Variants in SEPTIN7 observed in about 807,000 individuals in gnomAD.
SEPTIN7 encodes septin 7.
Under a neutral mutation model 63.3 loss-of-function variants are expected in SEPTIN7, and 10 were observed. The ratio of observed to expected loss-of-function variants is 0.16; its 90% CI spans 0.10 to 0.27. The LOEUF is 0.27. Ranked by LOEUF, SEPTIN7 falls within the 10% of genes least tolerant of loss-of-function variation. The pLI is 1.00. For missense variants in SEPTIN7, 310 were observed against 521.0 expected, an observed-to-expected ratio of 0.59 and a Z score of 3.94; for synonymous variants, 131 against 165.3, an observed-to-expected ratio of 0.79 and a Z score of 1.59.
At chr7:35,868,387 C>G (rs1583591166) in intron 4 of SEPTIN7, among the ~76,000 whole-genome samples, 1 of 152,250 alleles carries the variant, frequency 6.6e-6, no homozygotes, top group Non-Finnish European at 1.5e-5. Context: ...GAATGCTTGT[C>G]TTAAACTAAG....
rs1785779838 is a variant in SEPTIN7 at position 35,865,804 on chromosome 7, C to T, written c.276+2146C>T. ...ATAATCCCCTACATTTTAGATATTGCAGACATTTTCTCCCCAGGCAAGCAT... is the reference window on the plus strand; with the variant it reads ...ATAATCCCCTACATTTTAGATATTGTAGACATTTTCTCCCCAGGCAAGCAT... On this transcript the variant is annotated intron_variant, in intron 4 of 13. Coordinates refer to ENST00000350320, the MANE Select transcript of SEPTIN7 (RefSeq NM_001788.6). Among the ~76,000 whole-genome samples the T allele has an allele frequency of 2.0e-5, 3 of 152,096 alleles. No individual in the cohort carries two copies. In the South Asian group the frequency reaches 6.2e-4, roughly 32 times the overall value.
At chr7:35,915,148 T>C in the SEPTIN7 span, among the ~76,000 whole-genome samples, 1 of 152,088 alleles carries the variant, frequency 6.6e-6, no homozygotes, top group Non-Finnish European at 1.5e-5. Flanking sequence ...TATACACATG[T>C]ATACATGTGT....
chr7:35,825,405 C>A (rs1201151948), intron 1 of SEPTIN7, among the ~76,000 whole-genome samples: 1 of 152,126 alleles, frequency 6.6e-6, no homozygotes, highest in Admixed American at 6.6e-5. Context: ...TGGGCCTTTG[C>A]AGTTAATAAC....
downstream of SEPTIN7, among the ~76,000 whole-genome samples, chr7:35,907,303 C>A (rs1788647798): frequency 6.6e-6 from 1 of 152,062 alleles, no homozygotes; most frequent in Admixed American, 6.5e-5. Flanking sequence ...AAATGTAAGC[C>A]CTTGTACTTC....
At position 35,839,301 on chromosome 7, in the gene SEPTIN7, A is replaced by G. The variant is rs79756038; in HGVS notation, c.169+6401A>G. ...TTAATATATGCTGTGTTTATCTTCC[A>G]TATTTTACTTTGACCACTGTGTAAT... On this transcript the variant is annotated intron_variant, in intron 3 of 13. Coordinates refer to ENST00000350320, the MANE Select transcript of SEPTIN7 (RefSeq NM_001788.6). Among the ~76,000 whole-genome samples, 11 of 152,322 alleles carry G rather than the reference A, an allele frequency of 7.2e-5. No individual in the cohort carries two copies. In the East Asian group the frequency reaches 1.9e-3, roughly 27 times the overall value.
At chr7:35,829,242 C>T (rs1373005175) in intron 1 of SEPTIN7, among the ~76,000 whole-genome samples, 1 of 147,786 alleles carries the variant, frequency 6.8e-6, no homozygotes, top group Non-Finnish European at 1.5e-5. Context: ...CAGGTTCAGG[C>T]CATTCTCCTG....
chr7:35,881,197 A>G (rs1450959490), intron 7 of SEPTIN7, among the ~76,000 whole-genome samples: 3 of 151,820 alleles, frequency 2.0e-5, no homozygotes, highest in Non-Finnish European at 2.9e-5. Flanking sequence ...TACTGTATCT[A>G]GTATTTTTGT....
At position 35,810,128 on chromosome 7, in the gene SEPTIN7, G is replaced by C. The variant is rs192355507; in HGVS notation, c.61+8858G>C. Among the ~76,000 whole-genome samples, 55 of 152,208 alleles carry C rather than the reference G, an allele frequency of 3.6e-4. 1 individual carries two copies. Among genetic ancestry groups the C allele is most frequent in the African/African-American group, 1.3e-3 (52 of 41,528 alleles). On this transcript the variant is annotated intron_variant, in intron 1 of 13. Coordinates refer to ENST00000350320, the MANE Select transcript of SEPTIN7 (RefSeq NM_001788.6). ...CATGTCTTGTAGGGTCTCAATACTA[G>C]GAAGACATCTAGGATAGAAAATAAA...
chr7:35,897,629 C>T lies in SEPTIN7; in HGVS notation c.999-619C>T, dbSNP rs139988334. Among the ~76,000 whole-genome samples the T allele has an allele frequency of 2.2e-3, 332 of 152,048 alleles. 1 individual carries two copies. Among genetic ancestry groups the T allele is most frequent in the Non-Finnish European group, 4.0e-3 (270 of 67,978 alleles). On this transcript the variant is annotated intron_variant, in intron 11 of 13. Transcript: ENST00000350320. ...TGTGTGTGTGTTTTAAATCACTGAA[C>T]ATCTTTAAAACTTAAGACAGTGAAA...
intron 3 of SEPTIN7, among the ~76,000 whole-genome samples, chr7:35,839,505 A>G (rs1784295895): frequency 6.9e-6 from 1 of 145,564 alleles, no homozygotes. Flanking sequence ...GAGATGGAAT[A>G]TGCTATAATT....
downstream of SEPTIN7, among the ~76,000 whole-genome samples, chr7:35,909,523 G>C (rs188296962): frequency 1.3e-5 from 2 of 152,302 alleles, no homozygotes; most frequent in East Asian, 3.9e-4. Flanking sequence ...CCCACCAAAT[G>C]CGAATGTTTT....
chr7:35,853,776 C>T (rs1013437795), intron 3 of SEPTIN7, among the ~76,000 whole-genome samples: 3 of 152,024 alleles, frequency 2.0e-5, no homozygotes, highest in African/African-American at 7.2e-5. Context: ...CAGATATGGT[C>T]CAACCTGGTT....
chr7:35,801,064 C>A lies in SEPTIN7; in HGVS notation c.-146C>A. The A allele has an allele frequency of 1.9e-6, 1 of 533,326 alleles. No homozygotes were observed. The allele number at this position is 533,326 out of a possible 1,614,324, so 33.0% of individuals were successfully genotyped here. On this transcript the variant is annotated 5_prime_UTR_variant, in exon 1 of 14. Transcript: ENST00000350320. ...GACGGAGGAGGGAGCGGGAGTCGAG[C>A]GAGAGCCTGTGGAGGAGTCCGCCTG...
At chr7:35,822,110 C>T (rs1017563901) in intron 1 of SEPTIN7, among the ~76,000 whole-genome samples, 7 of 151,218 alleles carry the variant, frequency 4.6e-5, no homozygotes, top group African/African-American at 9.7e-5. Context: ...GACAGAGTCT[C>T]GCTCTGTCGC....
rs1786714883 is a variant in SEPTIN7 at position 35,879,760 on chromosome 7, A to T, written c.513-63A>T. On this transcript the variant is annotated intron_variant, in intron 6 of 13. Transcript: ENST00000350320. ...ACATTGTATTTAACTAGCATTGGGG[A>T]TGTGAAGAATCTTGTTCTCCCAAAC... The T allele has an allele frequency of 4.7e-6, 4 of 849,048 alleles. No homozygotes were observed. In the Admixed American group the frequency reaches 8.0e-5, roughly 17 times the overall value. The allele number at this position is 849,048 out of a possible 1,614,324, so 52.6% of individuals were successfully genotyped here. A position where few individuals can be genotyped will look rare whatever the true frequency, so the allele number is the denominator to read the frequency against.
chr7:35,819,199 T>G (rs956323538), intron 1 of SEPTIN7, among the ~76,000 whole-genome samples: 2 of 152,112 alleles, frequency 1.3e-5, no homozygotes, highest in African/African-American at 2.4e-5. Flanking sequence ...GTGATTTAGT[T>G]TTTGACCCAT....
intron 3 of SEPTIN7, among the ~76,000 whole-genome samples, chr7:35,845,227 C>CAT (rs1284269826): frequency 6.6e-6 from 1 of 151,742 alleles, no homozygotes; most frequent in African/African-American, 2.4e-5. Context: ...GAGTGTACTA[C>CAT]ATATATATAT....
At chr7:35,866,338 A>G (rs546746389) in intron 4 of SEPTIN7, among the ~76,000 whole-genome samples, 2 of 152,374 alleles carry the variant, frequency 1.3e-5, no homozygotes, top group South Asian at 4.1e-4. Context: ...TACCAAGCCC[A>G]GTAGTCTAGC....
chr7:35,809,704 G>A (rs1385676235), intron 1 of SEPTIN7, among the ~76,000 whole-genome samples: 3 of 152,240 alleles, frequency 2.0e-5, no homozygotes, highest in Non-Finnish European at 2.9e-5. Flanking sequence ...AATTATGTTA[G>A]TATCAGGTTA....
Sources: gnomAD v4.1 joint callset for allele counts (sites outside exome capture counted in the v4.1 genomes callset) on GRCh38, gnomAD v4.1.1 for gene constraint, MANE v1.5 for transcripts, NCBI Gene and HGNC (gene_info 2026-07-23, HGNC 2026-07-21) for gene names.